The following MCF2L2 variants were observed in gnomAD, a reference collection of about 807,000 sequenced individuals.
The protein encoded by MCF2L2 is MCF.2 cell line derived transforming sequence-like 2, also known as probable guanine nucleotide exchange factor MCF2L2.
A neutral mutation model predicts 150.2 loss-of-function variants in MCF2L2; 102 were observed. That is an observed-to-expected ratio of 0.68 (90% CI 0.58 to 0.80). The LOEUF is 0.80. MCF2L2 is among the 30% of genes least tolerant of loss of function. The pLI, the probability that MCF2L2 is intolerant of heterozygous loss-of-function variation, is 0.00. For missense variants in MCF2L2, 1,256 were observed against 1,372.8 expected, an observed-to-expected ratio of 0.91 and a Z score of 1.34; for synonymous variants, 465 against 491.3, an observed-to-expected ratio of 0.95 and a Z score of 0.71.
chr3:183,294,343 C>T (rs990382917), intron 13 of MCF2L2, among the ~76,000 whole-genome samples: 12 of 151,430 alleles, frequency 7.9e-5, no homozygotes, highest in Non-Finnish European at 1.2e-4. Context: ...TATTATGATG[C>T]ATTTGTTGTT....
chr3:183,321,996 G>A (rs1729833466), intron 6 of MCF2L2, among the ~76,000 whole-genome samples: 1 of 152,240 alleles, frequency 6.6e-6, no homozygotes, highest in Non-Finnish European at 1.5e-5. Flanking sequence ...CAGGGCAGAG[G>A]GGGCATAACA....
chr3:183,391,822 G>A (rs2030713073), intron 1 of MCF2L2, among the ~76,000 whole-genome samples: 1 of 152,160 alleles, frequency 6.6e-6, no homozygotes, highest in African/African-American at 2.4e-5. Flanking sequence ...ATCTCCCAGT[G>A]GTCTAGGACA....
chr3:183,179,194 G>C lies in MCF2L2; in HGVS notation c.*186C>G. On this transcript the variant is annotated 3_prime_UTR_variant, in exon 30 of 30. Transcript: ENST00000328913. This position sits in a 1 kb window ranked among gnomAD's most constrained non-coding sequence, Gnocchi z 4.2. ...TTAGAGCAGCTCCGAGGTCCCCCGT[G>C]CGGAGCTAGGCGCGCACCCAGGACA... is the stretch of plus-strand genomic sequence containing the variant. The C allele has an allele frequency of 1.4e-6, 1 of 739,954 alleles. No individual in the cohort carries two copies. The highest frequency in any genetic ancestry group is 1.9e-6 in the Non-Finnish European group (1 of 519,632). The allele number at this position is 739,954 out of a possible 1,614,324, so 45.8% of individuals were successfully genotyped here. A position where few individuals can be genotyped will look rare whatever the true frequency, so the allele number is the denominator to read the frequency against.
intron 2 of MCF2L2, among the ~76,000 whole-genome samples, chr3:183,380,860 T>C (rs906718): frequency 0.61 from 93,100 of 152,090 alleles, 32,421 homozygotes; most frequent in Non-Finnish European, 0.76. Context: ...TCTAGTTTGA[T>C]TGCAAGGTTT....
Position 183,415,879 on chromosome 3 carries a change from T to C in MCF2L2, c.76+12023A>G, listed in dbSNP as rs116055553. Among the ~76,000 whole-genome samples the C allele has an allele frequency of 5.6e-3, 854 of 152,304 alleles. 4 individuals are homozygous for C. Among genetic ancestry groups the C allele is most frequent in the African/African-American group, 0.02 (817 of 41,586 alleles). On this transcript the variant is annotated intron_variant, in intron 1 of 29. Transcript: ENST00000328913. ...GGATCATTTATCCATTCACACTTAATATTACTGATATAGTGGGATCCATGT... is the reference window on the plus strand; with the variant it reads ...GGATCATTTATCCATTCACACTTAACATTACTGATATAGTGGGATCCATGT...
chr3:183,343,816 T>A (rs1730796219), intron 3 of MCF2L2, among the ~76,000 whole-genome samples: 1 of 152,134 alleles, frequency 6.6e-6, no homozygotes, highest in Non-Finnish European at 1.5e-5. Context: ...ACAGTATTAT[T>A]ATAAAATAAA....
At chr3:183,372,540 A>C (rs2108578874) in intron 3 of MCF2L2, 1 of 152,288 alleles carries the variant, frequency 6.6e-6, no homozygotes, top group Admixed American at 6.5e-5. Context: ...AAAAATACAA[A>C]AATTAACCGG....
chr3:183,341,974 C>T (rs376049955), intron 3 of MCF2L2, among the ~76,000 whole-genome samples: 2 of 152,170 alleles, frequency 1.3e-5, no homozygotes, highest in African/African-American at 2.4e-5. Flanking sequence ...GCCATCCTTC[C>T]GCTCCCAAAG....
chr3:183,388,614 G>A (rs1232859387), intron 2 of MCF2L2, among the ~76,000 whole-genome samples: 1 of 152,192 alleles, frequency 6.6e-6, no homozygotes, highest in Non-Finnish European at 1.5e-5. Context: ...AATACAGACA[G>A]AAAGAAGAAA....
intron 3 of MCF2L2, among the ~76,000 whole-genome samples, chr3:183,344,880 C>G (rs932469741): frequency 5.9e-5 from 9 of 152,106 alleles, no homozygotes; most frequent in Non-Finnish European, 1.3e-4. Context: ...AGCTAAGTAT[C>G]CTAAATATAT....
intron 18 of MCF2L2, 25 bp downstream of exon 18, chr3:183,228,272 T>C: frequency 3.2e-6 from 5 of 1,582,974 alleles, no homozygotes; most frequent in Non-Finnish European, 4.3e-6. Context: ...TTTAACATGA[T>C]TATTTACTGG....
At chr3:183,192,925 T>A in intron 27 of MCF2L2, 74 bp downstream of exon 27, 1 of 1,090,156 alleles carries the variant, frequency 9.2e-7, no homozygotes, top group Non-Finnish European at 1.4e-6. Context: ...CTAGGTGATG[T>A]CTTCCTTAGC....
chr3:183,367,493 G>T (rs1274662371), intron 3 of MCF2L2, among the ~76,000 whole-genome samples: 1 of 152,124 alleles, frequency 6.6e-6, no homozygotes, highest in Non-Finnish European at 1.5e-5. Context: ...GCCTCCCAAA[G>T]TGCAGGGATT....
chr3:183,384,985 C>T lies in MCF2L2; in HGVS notation c.160+4711G>A, dbSNP rs536596947. 2.5e-4 allele frequency among the ~76,000 whole-genome samples: 38 copies of T among 152,172 alleles called. No homozygotes were observed. The South Asian group carries it at 7.7e-3, about 31-fold the overall frequency. On this transcript the variant is annotated intron_variant, in intron 2 of 29. Transcript: ENST00000328913. ...GAACCTTCCCTCTCACCTGCACTAC[C>T]GAATCCAACAGCCACTAGACACATG...
chr3:183,279,954 G>A (rs1013925040), intron 14 of MCF2L2, among the ~76,000 whole-genome samples: 1 of 152,162 alleles, frequency 6.6e-6, no homozygotes, highest in East Asian at 1.9e-4. Flanking sequence ...ACTTGAACCC[G>A]GAGGTGGAGG....
At chr3:183,395,003 T>G (rs1244078914) in intron 1 of MCF2L2, among the ~76,000 whole-genome samples, 3 of 152,304 alleles carry the variant, frequency 2.0e-5, no homozygotes, top group East Asian at 3.9e-4. Context: ...AAATCTACTC[T>G]AAGGATGATA....
At chr3:183,310,058 TAATC>T (rs901428929) in intron 9 of MCF2L2, among the ~76,000 whole-genome samples, 2 of 152,086 alleles carry the variant, frequency 1.3e-5, no homozygotes, top group African/African-American at 2.4e-5. Context: ...ATTCAACAGA[TAATC>T]AATCAAAAAG....
intron 15 of MCF2L2, among the ~76,000 whole-genome samples, chr3:183,238,995 CAAA>C (rs60736939): frequency 1.1e-5 from 1 of 88,902 alleles, no homozygotes; most frequent in African/African-American, 3.8e-5. Flanking sequence ...ATATCCGTCT[CAAA>C]AAAAAAAAAA....
intron 5 of MCF2L2, among the ~76,000 whole-genome samples, chr3:183,324,022 T>C (rs1729925661): frequency 6.6e-6 from 1 of 152,108 alleles, no homozygotes; most frequent in Non-Finnish European, 1.5e-5. Flanking sequence ...CAAAATCAAG[T>C]GTTGTGCAAT....
Sources: allele counts gnomAD v4.1 joint callset (sites outside exome capture counted in the v4.1 genomes callset), GRCh38; gene constraint gnomAD v4.1.1; non-coding constraint Gnocchi (gnomAD v3.1); transcripts MANE v1.5; gene names NCBI Gene and HGNC (gene_info 2026-07-23, HGNC 2026-07-21).